CBR4: variants seen among roughly 807,000 people sequenced by gnomAD.
CBR4 encodes the protein 3-oxoacyl-[acyl-carrier-protein] reductase.
A neutral mutation model predicts 21.0 loss-of-function variants in CBR4; 22 were observed. That is an observed-to-expected ratio of 1.05 (90% CI 0.75 to 1.50). The LOEUF is 1.50. Among genes scored for constraint, CBR4 ranks in the 40% most tolerant of loss-of-function variants. The probability of loss-of-function intolerance (pLI) is 0.00; values close to 1 mark genes in which losing one functional copy is unlikely to be tolerated. For missense variants in CBR4, 302 were observed against 286.3 expected (o/e 1.05, Z -0.40); for synonymous variants, 100 against 104.4 (o/e 0.96, Z 0.26).
At position 168,904,795 on chromosome 4, in the gene CBR4, A is replaced by G. The variant is rs1187424767; in HGVS notation, n.170-10030T>C. 5.3e-5 allele frequency among the ~76,000 whole-genome samples: 8 copies of G among 152,108 alleles called. No individual in the cohort carries two copies. In the East Asian group the frequency reaches 1.5e-3, roughly 29 times the overall value. On this transcript the variant is annotated intron_variant and non_coding_transcript_variant, in intron 2 of 3. Coordinates refer to the CBR4 transcript ENST00000509108. ...TTGAAGAAAATATTTAGCATTAGAA[A>G]CTATATAAATAATTTTAATGACACT... is the stretch of plus-strand genomic sequence containing the variant.
At chr4:168,957,473 T>C (rs1358514248) in intron 2 of CBR4, among the ~76,000 whole-genome samples, 2 of 152,124 alleles carry the variant, frequency 1.3e-5, no homozygotes, top group African/African-American at 4.8e-5. Context: ...CCTCCCTTTG[T>C]TTTTACCAAC....
At chr4:168,994,646 A>G (rs1973112) in intron 4 of CBR4, among the ~76,000 whole-genome samples, 104,069 of 151,230 alleles carry the variant, frequency 0.69, 37,237 homozygotes, top group East Asian at 0.96. Flanking sequence ...TGGCACAATC[A>G]CGGCTCACTG....
intron 2 of CBR4, among the ~76,000 whole-genome samples, chr4:168,934,527 C>A (rs369079123): frequency 6.6e-6 from 1 of 151,918 alleles, no homozygotes; most frequent in African/African-American, 2.4e-5. Flanking sequence ...CAGAAACACA[C>A]AGGATCATTA....
intron 2 of CBR4, chr4:168,915,838 G>T: frequency 7.2e-7 from 1 of 1,392,676 alleles, no homozygotes; most frequent in Non-Finnish European, 1.0e-6. Context: ...ATGACTAAAA[G>T]TCTGGAAGTA....
chr4:168,934,048 T>C (rs575033043), intron 2 of CBR4, among the ~76,000 whole-genome samples: 1 of 151,956 alleles, frequency 6.6e-6, no homozygotes, highest in Non-Finnish European at 1.5e-5. Context: ...TAAACATCTA[T>C]ATCAAAAAAG....
intron 2 of CBR4, among the ~76,000 whole-genome samples, chr4:168,935,265 C>A (rs72704242): frequency 6.6e-6 from 1 of 152,162 alleles, no homozygotes; most frequent in African/African-American, 2.4e-5. Context: ...GCTTTTCCCA[C>A]GGTTTTTGCA....
intron 2 of CBR4, among the ~76,000 whole-genome samples, chr4:168,980,985 T>C (rs1448348112): frequency 6.6e-6 from 1 of 152,138 alleles, no homozygotes. Flanking sequence ...AGACACAGAA[T>C]TCAGAATCTA....
intron 2 of CBR4, among the ~76,000 whole-genome samples, chr4:168,944,424 G>A (rs974962431): frequency 2.0e-5 from 3 of 152,000 alleles, no homozygotes; most frequent in Admixed American, 1.3e-4. Flanking sequence ...GTTACAATGA[G>A]CCATGATCAC....
chr4:168,914,148 C>G (rs1306627239), intron 2 of CBR4: 8 of 708,182 alleles, frequency 1.1e-5, no homozygotes, highest in South Asian at 3.2e-5. Context: ...GAATGCAAAC[C>G]TGAAGCCTGT....
chr4:168,994,045 T>TA (rs1186436605), intron 4 of CBR4, among the ~76,000 whole-genome samples: 1 of 152,118 alleles, frequency 6.6e-6, no homozygotes, highest in Admixed American at 6.5e-5. Flanking sequence ...CACACAGAAA[T>TA]ATAGTGTGGA....
At chr4:168,905,961 G>A (rs150800436) in intron 2 of CBR4, among the ~76,000 whole-genome samples, 10 of 151,574 alleles carry the variant, frequency 6.6e-5, no homozygotes, top group Admixed American at 1.3e-4. Context: ...TAATAGAGAC[G>A]GGGTTTCACC....
At chr4:168,950,771 G>A (rs1763518103) in intron 2 of CBR4, among the ~76,000 whole-genome samples, 1 of 152,150 alleles carries the variant, frequency 6.6e-6, no homozygotes, top group East Asian at 1.9e-4. Flanking sequence ...GGGAGCTCCA[G>A]TGTTAGGTGC....
At chr4:168,921,777 AT>A (rs1761554767) in intron 2 of CBR4, 13 of 1,471,984 alleles carry the variant, frequency 8.8e-6, no homozygotes, top group Non-Finnish European at 1.1e-5. Context: ...CTCTGACAGA[AT>A]GAACATCAGA....
At chr4:168,992,235 C>T (rs1222974613) in intron 4 of CBR4, among the ~76,000 whole-genome samples, 1 of 152,138 alleles carries the variant, frequency 6.6e-6, no homozygotes, top group Non-Finnish European at 1.5e-5. Context: ...AGTTATGATA[C>T]AGCCATACAA....
In CBR4 at chr4:168,989,657, A is replaced by C. The variant is rs1764815746; in HGVS notation, c.*493T>G. 1 of 984,494 alleles carries C rather than the reference A, an allele frequency of 1.0e-6. No individual in the cohort carries two copies. Among genetic ancestry groups the C allele is most frequent in the Non-Finnish European group, 1.2e-6 (1 of 829,052 alleles). The allele number at this position is 984,494 out of a possible 1,614,324, so 61.0% of individuals were successfully genotyped here. ...CTTTTAGAAAATTCAGCTTGATACA[A>C]GAAAATAATTCATCATAATTAGACA... On this transcript the variant is annotated 3_prime_UTR_variant, in exon 5 of 5. Coordinates refer to ENST00000306193, the MANE Select transcript of CBR4 (RefSeq NM_032783.5).
intron 1 of CBR4, 97 bp from the exon 2 acceptor site, chr4:169,007,853 G>T: frequency 1.2e-6 from 1 of 811,352 alleles, no homozygotes; most frequent in Non-Finnish European, 1.9e-6. Flanking sequence ...GCAGGCCTGT[G>T]CTAATCTAGA....
rs533269596 is a variant in CBR4 at position 168,921,584 on chromosome 4, C to T, written n.170-26819G>A. The T allele has an allele frequency of 1.2e-5, 19 of 1,609,098 alleles. No individual in the cohort carries two copies. In the Admixed American group the frequency reaches 1.3e-4, roughly 11 times the overall value. On this transcript the variant is annotated intron_variant and non_coding_transcript_variant, in intron 2 of 3. Transcript: ENST00000509108. Reference sequence around the variant, plus strand: ...TAAGCTGGCAACTAGATGGAAAGCCCGTACGCCCTGACAGTGCTCACAAGA... The same window carrying T: ...TAAGCTGGCAACTAGATGGAAAGCCTGTACGCCCTGACAGTGCTCACAAGA...
At chr4:168,895,910 G>A (rs1291771240) in intron 2 of CBR4, among the ~76,000 whole-genome samples, 5 of 152,130 alleles carry the variant, frequency 3.3e-5, no homozygotes, top group African/African-American at 9.7e-5. Context: ...AATATTGTAA[G>A]TTGAAAGTGC....
chr4:168,983,996 A>G (rs62334861), downstream of CBR4, among the ~76,000 whole-genome samples: 5,906 of 152,298 alleles, frequency 0.039, 166 homozygotes, highest in Non-Finnish European at 0.059. Flanking sequence ...GAGAACTGCA[A>G]CAAGACAAGG....
Sources: allele counts gnomAD v4.1 joint callset (sites outside exome capture counted in the v4.1 genomes callset), GRCh38; gene constraint gnomAD v4.1.1; transcripts MANE v1.5; gene names NCBI Gene and HGNC (gene_info 2026-07-23, HGNC 2026-07-21).